RPA1: variants seen among roughly 807,000 people sequenced by gnomAD.
RPA1 encodes the protein replication protein A 70 kDa DNA-binding subunit.
Under a neutral mutation model 83.0 loss-of-function variants are expected in RPA1, and 49 were observed. The ratio of observed to expected loss-of-function variants is 0.59; its 90% confidence interval spans 0.47 to 0.75. The LOEUF (loss-of-function observed/expected upper bound fraction) is 0.75. Among genes scored for constraint, RPA1 ranks in the 30% least tolerant of loss-of-function variants. The pLI is 0.00. For synonymous variants in RPA1, 279 were observed against 281.8 expected (o/e 0.99, Z 0.10); for missense variants, 693 against 776.1 (o/e 0.89, Z 1.27).
intron 1 of RPA1, among the ~76,000 whole-genome samples, chr17:1,831,788 A>G (rs977800679): frequency 6.7e-6 from 1 of 149,638 alleles, no homozygotes; most frequent in South Asian, 2.1e-4. Context: ...TTTAGTAGAG[A>G]CGGGGTTTCA....
At chr17:1,831,182 T>C (rs1911557301) in intron 1 of RPA1, among the ~76,000 whole-genome samples, 1 of 152,224 alleles carries the variant, frequency 6.6e-6, no homozygotes, top group African/African-American at 2.4e-5. Context: ...TATTCCATGC[T>C]TCAGAGGGTT....
In RPA1 at chr17:1,879,576, C is replaced by T. The variant is rs1913700389; in HGVS notation, c.969C>T (p.Cys323=). The T allele has an allele frequency of 6.2e-7, 1 of 1,614,106 alleles. No homozygotes were observed. The highest frequency in any genetic ancestry group is 8.5e-7 in the Non-Finnish European group (1 of 1,180,056). ...KDSLVDIIGI[C]KSYEDATKIT... is the part of the protein sequence containing the mutation. Reference sequence around the variant, plus strand: ...GTGTTTTAGACATCATCGGGATCTGCAAGAGCTATGAAGACGCCACTAAAA... The same window carrying T: ...GTGTTTTAGACATCATCGGGATCTGTAAGAGCTATGAAGACGCCACTAAAA... Residue 323 remains cysteine (C), a synonymous_variant, in exon 11 of 17, where the codon TGC becomes TGT. Coordinates refer to ENST00000254719, the MANE Select transcript of RPA1 (RefSeq NM_002945.5).
At chr17:1,873,212 T>C (rs1009870784) in intron 6 of RPA1, among the ~76,000 whole-genome samples, 1 of 152,212 alleles carries the variant, frequency 6.6e-6, no homozygotes, top group African/African-American at 2.4e-5. Flanking sequence ...TGTTTATCGT[T>C]TGCTTGAAGA....
chr17:1,850,929 T>C (rs1263045585), intron 4 of RPA1, among the ~76,000 whole-genome samples: 1 of 152,146 alleles, frequency 6.6e-6, no homozygotes, highest in Non-Finnish European at 1.5e-5. Flanking sequence ...GCTTGCTAAT[T>C]TTCTCTTTTT....
chr17:1,855,245 C>G (rs1418948651), intron 5 of RPA1, among the ~76,000 whole-genome samples: 1 of 152,098 alleles, frequency 6.6e-6, no homozygotes, highest in Non-Finnish European at 1.5e-5. Flanking sequence ...TCACTGCAAC[C>G]TCCGCCTCCC....
chr17:1,894,444 G>A (rs1025724954), intron 15 of RPA1, among the ~76,000 whole-genome samples: 3 of 152,196 alleles, frequency 2.0e-5, no homozygotes, highest in Non-Finnish European at 4.4e-5. Flanking sequence ...TGGGATGACA[G>A]GTATGAGCCA....
intron 6 of RPA1, among the ~76,000 whole-genome samples, chr17:1,874,157 C>A (rs1254432307): frequency 6.6e-6 from 1 of 151,722 alleles, no homozygotes; most frequent in Non-Finnish European, 1.5e-5. Context: ...CTCTCCCTCC[C>A]TCCACAGAAT....
At chr17:1,881,053 T>G (rs1367220015) in intron 12 of RPA1, among the ~76,000 whole-genome samples, 2 of 152,226 alleles carry the variant, frequency 1.3e-5, no homozygotes, top group Admixed American at 6.5e-5. Flanking sequence ...ACACATGCTT[T>G]CTTTCTCTGT....
At chr17:1,882,964 T>A (rs1913851599) in intron 12 of RPA1, among the ~76,000 whole-genome samples, 1 of 152,120 alleles carries the variant, frequency 6.6e-6, no homozygotes, top group African/African-American at 2.4e-5. Flanking sequence ...TGGCACTGAT[T>A]CTCTTCACCA....
chr17:1,864,693 G>A (rs1331153893), intron 5 of RPA1, among the ~76,000 whole-genome samples: 1 of 150,344 alleles, frequency 6.7e-6, no homozygotes, highest in Non-Finnish European at 1.5e-5. Context: ...GAGGTCAGGA[G>A]TTCAAGACCA....
At chr17:1,888,129 A>G (rs1297591143) in intron 13 of RPA1, among the ~76,000 whole-genome samples, 2 of 152,188 alleles carry the variant, frequency 1.3e-5, no homozygotes, top group Non-Finnish European at 2.9e-5. Context: ...AATGGCTGCT[A>G]AGGCCTGAAA....
chr17:1,850,091 G>A (rs1192127413), intron 4 of RPA1, among the ~76,000 whole-genome samples: 2 of 151,310 alleles, frequency 1.3e-5, no homozygotes, highest in African/African-American at 4.9e-5. Flanking sequence ...AGAATCACTT[G>A]AACCCGGGAG....
chr17:1,894,320 C>T (rs190073071), intron 15 of RPA1, among the ~76,000 whole-genome samples: 10 of 152,214 alleles, frequency 6.6e-5, no homozygotes, highest in African/African-American at 2.4e-5. Flanking sequence ...GCACCTGCCA[C>T]TATGCCCAGC....
At chr17:1,871,117 A>G (rs1913362394) in intron 5 of RPA1, among the ~76,000 whole-genome samples, 1 of 152,142 alleles carries the variant, frequency 6.6e-6, no homozygotes, top group Admixed American at 6.5e-5. Flanking sequence ...TTCCTTTGCT[A>G]TTTTGTGTGA....
chr17:1,880,512 C>G (rs747351543), intron 11 of RPA1, 31 bp from the exon 12 acceptor site: 1 of 1,605,704 alleles, frequency 6.2e-7, no homozygotes, highest in South Asian at 1.1e-5. Flanking sequence ...CTGCTAGTGA[C>G]ACTTGTATAT....
chr17:1,879,511 CGGAAT>C, intron 10 of RPA1, 44 bp from the exon 11 acceptor site: 1 of 1,613,026 alleles, frequency 6.2e-7, no homozygotes, highest in Non-Finnish European at 8.5e-7. Flanking sequence ...TTGCTGGCGT[CGGAAT>C]GGGAGTCTTG....
Position 1,830,017 on chromosome 17 carries a change from A to G in RPA1, c.-77A>G, listed in dbSNP as rs1911461080. The G allele has an allele frequency of 8.1e-7, 1 of 1,232,278 alleles. No homozygotes were observed. The highest frequency in any genetic ancestry group is 1.6e-5 in the African/African-American group (1 of 64,278). The allele number at this position is 1,232,278 out of a possible 1,614,324, so 76.3% of individuals were successfully genotyped here. On this transcript the variant is annotated 5_prime_UTR_variant, in exon 1 of 17. Transcript: ENST00000254719. ...GTGCGCGCAACTTCTCGGGCCAATA[A>G]CTGCGCAGCGCGCGGGACCCGGGTG...
At chr17:1,849,150 G>A (rs1165614716) in intron 4 of RPA1, among the ~76,000 whole-genome samples, 2 of 152,136 alleles carry the variant, frequency 1.3e-5, no homozygotes, top group African/African-American at 2.4e-5. Flanking sequence ...CAGCGCGTGA[G>A]TGTGGAGTTT....
At chr17:1,831,600 CTT>C (rs397856863) in intron 1 of RPA1, among the ~76,000 whole-genome samples, 16 of 140,548 alleles carry the variant, frequency 1.1e-4, no homozygotes, top group Admixed American at 2.2e-4. Context: ...GGCCTTTGAA[CTT>C]TTTTTTTTTT....
Sources: gnomAD v4.1 joint callset for allele counts (sites outside exome capture counted in the v4.1 genomes callset) on GRCh38, gnomAD v4.1.1 for gene constraint, MANE v1.5 for transcripts, NCBI Gene and HGNC (gene_info 2026-07-23, HGNC 2026-07-21) for gene names.